The following CA1 variants were observed in gnomAD, a reference collection of about 807,000 sequenced individuals.
CA1 encodes carbonate dehydratase I.
In CA1, 27 loss-of-function variants were observed where a neutral mutation model predicts 28.8. The ratio of observed to expected loss-of-function variants is 0.94; its 90% CI spans 0.69 to 1.29. The LOEUF (loss-of-function observed/expected upper bound fraction) is 1.29. Ranked by LOEUF, CA1 falls within the 50% of genes most tolerant of loss-of-function variation. The pLI, the probability that CA1 is intolerant of heterozygous loss-of-function variation, is 0.00. For synonymous variants in CA1, 121 were observed against 108.8 expected (o/e 1.11, Z -0.70); for missense variants, 335 against 310.5 (o/e 1.08, Z -0.59).
chr8:85,328,460 A>G lies in CA1; in HGVS notation c.*100T>C, dbSNP rs1390897616. On this transcript the variant is annotated 3_prime_UTR_variant, in exon 8 of 8. Transcript: ENST00000523022. Reference sequence around the variant, plus strand: ...GATTTGAAGGCATGCTGTCTTGCTAATATTGAAATAAATTTATTTCTTAAA... The same window carrying G: ...GATTTGAAGGCATGCTGTCTTGCTAGTATTGAAATAAATTTATTTCTTAAA... 4 of 740,242 alleles carry G rather than the reference A, an allele frequency of 5.4e-6. No homozygotes were observed. The highest frequency in any genetic ancestry group is 1.8e-5 in the African/African-American group (1 of 56,622). The allele number at this position is 740,242 out of a possible 1,614,324, so 45.9% of individuals were successfully genotyped here.
intron 1 of CA1, among the ~76,000 whole-genome samples, chr8:85,375,789 G>A (rs147501967): frequency 3.3e-5 from 5 of 152,344 alleles, no homozygotes; most frequent in African/African-American, 1.2e-4. Flanking sequence ...AATGGTGGAT[G>A]TAGGTGAGCT....
At chr8:85,366,857 A>G (rs1810026272) in intron 1 of CA1, among the ~76,000 whole-genome samples, 1 of 152,234 alleles carries the variant, frequency 6.6e-6, no homozygotes, top group Non-Finnish European at 1.5e-5. Context: ...TTATGTAGTC[A>G]GTGAAGAGAG....
rs187712232 is a variant in CA1 at position 85,374,473 on chromosome 8, A to G, written c.-25+3573T>C. 3.3e-5 allele frequency among the ~76,000 whole-genome samples: 5 copies of G among 152,312 alleles called. No homozygotes were observed. In the East Asian group the frequency reaches 9.6e-4, roughly 29 times the overall value. On this transcript the variant is annotated intron_variant, in intron 1 of 7. Coordinates refer to ENST00000523022, the MANE Select transcript of CA1 (RefSeq NM_001128831.4). The stretch of plus-strand genomic sequence containing the variant: ...TACTGCTATAGGTTTGTGTCTTAAT[A>G]CACAGGATTCTTTAATTTTGTACTA...
chr8:85,365,984 A>G (rs183519736), intron 1 of CA1, among the ~76,000 whole-genome samples: 13 of 152,234 alleles, frequency 8.5e-5, no homozygotes, highest in East Asian at 1.9e-4. Context: ...GGTGCAATCA[A>G]TGAAACCCAG....
At chr8:85,376,634 C>T (rs1165493849) in intron 1 of CA1, among the ~76,000 whole-genome samples, 1 of 151,214 alleles carries the variant, frequency 6.6e-6, no homozygotes, top group Non-Finnish European at 1.5e-5. Flanking sequence ...TGCACTCCAG[C>T]CTGGTGACAG....
chr8:85,352,218 G>C (rs1809439736), intron 1 of CA1, among the ~76,000 whole-genome samples: 1 of 152,148 alleles, frequency 6.6e-6, no homozygotes, highest in African/African-American at 2.4e-5. Flanking sequence ...ATGATCCATG[G>C]CTTCTTAGGG....
At chr8:85,350,028 A>G (rs1397179209) in intron 1 of CA1, 4 of 152,210 alleles carry the variant, frequency 2.6e-5, no homozygotes, top group Non-Finnish European at 5.9e-5. Context: ...CCTTTATGCA[A>G]AAGGTTACTT....
chr8:85,331,683 C>G (rs1307088603), intron 6 of CA1, among the ~76,000 whole-genome samples: 2 of 152,152 alleles, frequency 1.3e-5, no homozygotes, highest in Admixed American at 6.5e-5. Flanking sequence ...GTCTTGAACT[C>G]CTGACCTCAA....
At chr8:85,339,657 A>G (rs997414885) in intron 2 of CA1, among the ~76,000 whole-genome samples, 3 of 152,338 alleles carry the variant, frequency 2.0e-5, no homozygotes, top group Middle Eastern at 3.4e-3. Flanking sequence ...CAGGCCAAAA[A>G]CTAGACCTCT....
chr8:85,331,272 T>G (rs1204396868), intron 6 of CA1, among the ~76,000 whole-genome samples: 3 of 152,074 alleles, frequency 2.0e-5, no homozygotes, highest in Non-Finnish European at 4.4e-5. Flanking sequence ...TCTTAAAATT[T>G]TCTTCTATAT....
chr8:85,334,939 G>A (rs1417080142), intron 4 of CA1, among the ~76,000 whole-genome samples: 1 of 152,082 alleles, frequency 6.6e-6, no homozygotes, highest in Non-Finnish European at 1.5e-5. Flanking sequence ...GCAGTAAGCC[G>A]AGATCGTGCC....
chr8:85,359,007 A>G (rs1053391063), intron 1 of CA1, among the ~76,000 whole-genome samples: 5 of 152,216 alleles, frequency 3.3e-5, no homozygotes, highest in African/African-American at 4.8e-5. Flanking sequence ...TCTATGTGCA[A>G]AAAACCTGAA....
chr8:85,335,775 A>G (rs1360440593), intron 4 of CA1, among the ~76,000 whole-genome samples: 1 of 152,188 alleles, frequency 6.6e-6, no homozygotes, highest in African/African-American at 2.4e-5. Flanking sequence ...ATTTAATTTT[A>G]ATCTACCTTC....
intron 1 of CA1, among the ~76,000 whole-genome samples, chr8:85,362,037 T>C (rs1438354848): frequency 6.6e-6 from 1 of 152,158 alleles, no homozygotes; most frequent in Non-Finnish European, 1.5e-5. Flanking sequence ...CAGTCACAAA[T>C]CCAAAATACG....
chr8:85,377,913 CA>C, intron 1 of CA1, 132 bp downstream of exon 1: 1 of 152,144 alleles, frequency 6.6e-6, no homozygotes, highest in Non-Finnish European at 1.5e-5. Context: ...TTAAGCTTTG[CA>C]GCTTTCATTC....
At chr8:85,357,301 T>C (rs1366297167) in intron 1 of CA1, among the ~76,000 whole-genome samples, 1 of 152,136 alleles carries the variant, frequency 6.6e-6, no homozygotes, top group Non-Finnish European at 1.5e-5. Context: ...AGGCAACGTG[T>C]CTGGTAGGAA....
intron 1 of CA1, among the ~76,000 whole-genome samples, chr8:85,366,226 T>G (rs1810002706): frequency 6.7e-6 from 1 of 150,208 alleles, no homozygotes; most frequent in Non-Finnish European, 1.5e-5. Flanking sequence ...TTGCCCAGGC[T>G]GGTTTTGAAC....
chr8:85,375,682 G>T (rs1046931436), intron 1 of CA1, among the ~76,000 whole-genome samples: 1 of 152,202 alleles, frequency 6.6e-6, no homozygotes, highest in Non-Finnish European at 1.5e-5. Context: ...AGAAAGTTCA[G>T]ATAAGATGGA....
At chr8:85,377,325 A>G (rs1360236108) in intron 1 of CA1, among the ~76,000 whole-genome samples, 2 of 152,174 alleles carry the variant, frequency 1.3e-5, no homozygotes, top group Non-Finnish European at 2.9e-5. Context: ...ATAAACTTGC[A>G]AGATGTATAA....
Sources: allele counts gnomAD v4.1 joint callset (sites outside exome capture counted in the v4.1 genomes callset), GRCh38; gene constraint gnomAD v4.1.1; transcripts MANE v1.5; gene names NCBI Gene and HGNC (gene_info 2026-07-23, HGNC 2026-07-21).